The following NLGN2 variants were observed in gnomAD, a reference collection of about 807,000 sequenced individuals.
NLGN2 encodes the protein neuroligin 2, also known as neuroligin-2.
NLGN2 carries 11 observed loss-of-function variants against 48.6 expected under a neutral mutation model. The observed-to-expected ratio is 0.23, with a 90% CI of 0.14 to 0.37. The LOEUF is 0.37. Ranked by LOEUF, NLGN2 falls within the 10% of genes least tolerant of loss-of-function variation. The probability of loss-of-function intolerance (pLI) is 1.00; values close to 1 mark genes in which losing one functional copy is unlikely to be tolerated. For synonymous variants in NLGN2, 548 were observed against 550.0 expected (o/e 1.00, Z 0.05); for missense variants, 801 against 1,225.2 (o/e 0.65, Z 5.17).
Position 7,408,417 on chromosome 17 carries a change from G to C in NLGN2, c.162G>C (p.Val54=), listed in dbSNP as rs1442328308. The change falls in exon 1 of 7, where the codon GTG becomes GTC. Residue 54 remains valine (V), a synonymous_variant. Coordinates refer to ENST00000302926, the MANE Select transcript of NLGN2 (RefSeq NM_020795.4). This position sits in a 1 kb window ranked among gnomAD's most constrained non-coding sequence, Gnocchi z 7.5. The stretch of plus-strand genomic sequence containing the variant: ...CGGCCTACGGGCGAGTGCGCGGTGT[G>C]CGGCGCGAGCTCAACAACGAGATCC... ...VNTAYGRVRG[V]RRELNNEILG... is the part of the protein sequence containing the mutation. 6.4e-7 allele frequency: 1 copy of C among 1,567,020 alleles called. No homozygotes were observed. The highest frequency in any genetic ancestry group is 1.8e-5 in the Admixed American group (1 of 55,794).
rs1268963281 is a variant in NLGN2 at position 7,414,730 on chromosome 17, G to A, written c.726G>A (p.Leu242=). The change falls in exon 4 of 7, where the codon CTG becomes CTA. Residue 242 remains leucine, a synonymous_variant. Coordinates refer to ENST00000302926, the MANE Select transcript of NLGN2 (RefSeq NM_020795.4). ...GGCTCCTGGACCAGATCCAGGCCCT[G>A]CGCTGGCTCAGTGAAAACATCGCCC... ...NYGLLDQIQA[L]RWLSENIAHF... 6.2e-7 allele frequency: 1 copy of A among 1,614,228 alleles called. No homozygotes were observed. The highest frequency in any genetic ancestry group is 1.7e-5 in the Admixed American group (1 of 60,030).
chr17:7,417,589 G>T lies in NLGN2; in HGVS notation c.2298G>T (p.Pro766=). ...CCGAGGCTCTGCGCCCTGCCTGCCC[G>T]CCCGACTACACCCTGGCCCTGCGCC... is the stretch of plus-strand genomic sequence containing the variant. ...DPAEALRPAC[P]PDYTLALRRA... The change falls in exon 7 of 7, where the codon CCG becomes CCT. Residue 766 remains proline, a synonymous_variant. Transcript: ENST00000302926. 7 of 1,431,466 alleles carry T rather than the reference G, an allele frequency of 4.9e-6. No individual in the cohort carries two copies. The highest frequency in any genetic ancestry group is 2.4e-4 in the Middle Eastern group (1 of 4,196). The allele number at this position is 1,431,466 out of a possible 1,614,324, so 88.7% of individuals were successfully genotyped here.
Position 7,414,846 on chromosome 17 carries a change from A to G in NLGN2, c.842A>G (p.Glu281Gly). ...CTTCTGATCCTCTCCCACCATTCAG[A>G]AGGTACCAGCAGTGTCCCAGCCTGT... is the stretch of plus-strand genomic sequence containing the variant. ...VNLLILSHHS[E>G]GLFQKAIAQS... The change falls in exon 4 of 7, where the codon GAA becomes GGA. Residue 281 changes from glutamate to glycine, a missense_variant and splice_region_variant. Physicochemically the swap from Glu to Gly is moderately conservative, Grantham distance 98. Coordinates refer to ENST00000302926, the MANE Select transcript of NLGN2 (RefSeq NM_020795.4). 1 of 1,614,094 alleles carries G rather than the reference A, an allele frequency of 6.2e-7. No individual in the cohort carries two copies. The highest frequency in any genetic ancestry group is 8.5e-7 in the Non-Finnish European group (1 of 1,180,014).
intron 2 of NLGN2, among the ~76,000 whole-genome samples, chr17:7,412,838 G>GT (rs1448549308): frequency 6.8e-6 from 1 of 147,960 alleles, no homozygotes; most frequent in Middle Eastern, 3.2e-3. Context: ...GGATCTTTTT[G>GT]TTTTTTCTTT....
chr17:7,406,762 A>AG (rs898451537), upstream of NLGN2, among the ~76,000 whole-genome samples: 24 of 150,722 alleles, frequency 1.6e-4, no homozygotes, highest in Admixed American at 1.1e-3. Flanking sequence ...CAGCAACTGT[A>AG]GGGGGGGTGG....
intron 6 of NLGN2, among the ~76,000 whole-genome samples, chr17:7,416,413 C>G (rs1409662674): frequency 6.6e-6 from 1 of 152,044 alleles, no homozygotes; most frequent in Non-Finnish European, 1.5e-5. Context: ...GCTGACTGCT[C>G]AGGTGTGTGT....
Position 7,417,486 on chromosome 17 carries a change from C to A in NLGN2, c.2195C>A (p.Ala732Glu). Residue 732 changes from alanine to glutamate, a missense_variant, in exon 7 of 7, where the codon GCG becomes GAG. By Grantham distance (107) the Ala-to-Glu change is moderately radical. Coordinates refer to ENST00000302926, the MANE Select transcript of NLGN2 (RefSeq NM_020795.4). ...GGTGGGGGCCCCCTGCTCCCCGCCG[C>A]GGGCCGTGAGCTGCCACCAGAGGAG... The part of the protein sequence containing the change: ...VPGGGPLLPA[A>E]GRELPPEEEL... 1 of 1,518,710 alleles carries A rather than the reference C, an allele frequency of 6.6e-7. No homozygotes were observed. Among genetic ancestry groups the A allele is most frequent in the East Asian group, 2.5e-5 (1 of 39,498 alleles). The allele number at this position is 1,518,710 out of a possible 1,614,324, so 94.1% of individuals were successfully genotyped here.
At chr17:7,405,179 C>G (rs960659655), upstream of NLGN2, 5 of 152,222 alleles carry the variant, frequency 3.3e-5, no homozygotes, top group Non-Finnish European at 5.9e-5. The surrounding 1 kb of genome is among the most constrained non-coding windows in gnomAD (Gnocchi z 6.8). Flanking sequence ...GCCCCTGCAC[C>G]GCGGATCCTG....
chr17:7,405,747 T>A (rs1906610228), upstream of NLGN2: 1 of 153,382 alleles, frequency 6.5e-6, no homozygotes, highest in South Asian at 2.1e-4. This position sits in a 1 kb window ranked among gnomAD's most constrained non-coding sequence, Gnocchi z 6.8. Context: ...GCTCTCGCCG[T>A]GTCTCTGCGT....
rs1906767182 is a variant in NLGN2, at chr17:7,408,853, T to C, written c.457+141T>C. 4.8e-6 allele frequency: 7 copies of C among 1,460,214 alleles called. No homozygotes were observed. In the South Asian group the frequency reaches 8.4e-5, roughly 17 times the overall value. The allele number at this position is 1,460,214 out of a possible 1,614,324, so 90.5% of individuals were successfully genotyped here. ...TGAGGGACGGAGTGTCCCTGCAACC[T>C]CTACGTGCCCCCTGAGGATTGTAAG... On this transcript the variant is annotated intron_variant, in intron 1 of 6. Coordinates refer to ENST00000302926, the MANE Select transcript of NLGN2 (RefSeq NM_020795.4). The surrounding 1 kb of genome is among the most constrained non-coding windows in gnomAD (Gnocchi z 7.5).
upstream of NLGN2, among the ~76,000 whole-genome samples, chr17:7,406,128 T>G: frequency 6.6e-6 from 1 of 150,692 alleles, no homozygotes. Flanking sequence ...GAGAAAGAAA[T>G]GAGAAACACC....
chr17:7,414,026 G>A (rs1906996531), intron 2 of NLGN2, among the ~76,000 whole-genome samples: 1 of 152,172 alleles, frequency 6.6e-6, no homozygotes, highest in African/African-American at 2.4e-5. Flanking sequence ...GTGCGGGGGT[G>A]CTGGGGGTTC....
chr17:7,414,572 C>A, intron 3 of NLGN2, 79 bp downstream of exon 3: 2 of 1,611,074 alleles, frequency 1.2e-6, no homozygotes, highest in Non-Finnish European at 1.7e-6. Context: ...CCACATCCAG[C>A]AGAATGGCTT....
chr17:7,417,400 G>A lies in NLGN2; in HGVS notation c.2109G>A (p.Arg703=). 1 of 1,610,066 alleles carries A rather than the reference G, an allele frequency of 6.2e-7. No homozygotes were observed. Among genetic ancestry groups the A allele is most frequent in the Non-Finnish European group, 8.5e-7 (1 of 1,178,756 alleles). The change falls in exon 7 of 7, where the codon CGG becomes CGA. Residue 703 remains arginine, a synonymous_variant. Coordinates refer to ENST00000302926, the MANE Select transcript of NLGN2 (RefSeq NM_020795.4). ...CTGCCCTCTACTACAAGCGGGACCG[G>A]CGGCAGGAGCTGCGGTGCAGGCGGC... ...AFAALYYKRD[R]RQELRCRRLS... is the part of the protein sequence containing the mutation.
chr17:7,414,676 C>T lies in NLGN2; in HGVS notation c.672C>T (p.Thr224=), dbSNP rs567010279. 87 of 1,614,112 alleles carry T rather than the reference C, an allele frequency of 5.4e-5. No individual in the cohort carries two copies. The South Asian group carries it at 6.4e-4, about 12-fold the overall frequency. The stretch of plus-strand genomic sequence containing the variant: ...CTCTACTCCCAGGTTTTCTCAGCAC[C>T]GGGGACCAGGCTGCAAAAGGCAACT... ...YRLGVLGFLS[T]GDQAAKGNYG... The change falls in exon 4 of 7, where the codon ACC becomes ACT. Residue 224 remains threonine (T), a synonymous_variant. Coordinates refer to ENST00000302926, the MANE Select transcript of NLGN2 (RefSeq NM_020795.4).
Position 7,408,213 on chromosome 17 carries a change from G to T in NLGN2, c.-43G>T. ...CTCCCCCCCTTCTCTCTCTCTCCGAGGGGGGGGGGTCCCAGGGAGGGAGGG... is the reference window on the plus strand; with the variant it reads ...CTCCCCCCCTTCTCTCTCTCTCCGATGGGGGGGGGTCCCAGGGAGGGAGGG... On this transcript the variant is annotated 5_prime_UTR_variant, in exon 1 of 7. It adds an upstream start codon to the 5' untranslated region. Transcript: ENST00000302926. The surrounding 1 kb of genome is among the most constrained non-coding windows in gnomAD (Gnocchi z 7.5). The T allele has an allele frequency of 3.3e-6, 1 of 304,126 alleles. No individual in the cohort carries two copies. Among genetic ancestry groups the T allele is most frequent in the Non-Finnish European group, 4.8e-6 (1 of 208,878 alleles). The allele number at this position is 304,126 out of a possible 1,614,324, so 18.8% of individuals were successfully genotyped here. A position where few individuals can be genotyped will look rare whatever the true frequency, so the allele number is the denominator to read the frequency against.
chr17:7,412,211 G>T lies in NLGN2; in HGVS notation c.508+4G>T, dbSNP rs2150814467. 1 of 1,612,364 alleles carries T rather than the reference G, an allele frequency of 6.2e-7. No homozygotes were observed. Among genetic ancestry groups the T allele is most frequent in the Non-Finnish European group, 8.5e-7 (1 of 1,179,104 alleles). On this transcript the variant is annotated splice_donor_region_variant and intron_variant, in intron 2 of 6. Transcript: ENST00000302926. ...ACGCTCAATCCGCCAGACACAGGTA[G>T]ATTTAAAAATCCCGCTGCTGCATGT...
chr17:7,417,250 C>T lies in NLGN2; in HGVS notation c.1959C>T (p.Pro653=), dbSNP rs372528711. 3.3e-5 allele frequency: 52 copies of T among 1,552,710 alleles called. No homozygotes were observed. The African/African-American group carries it at 4.2e-4, about 13-fold the overall frequency. The change falls in exon 7 of 7, where the codon CCC becomes CCT. Residue 653 remains proline, a synonymous_variant. Transcript: ENST00000302926. ...CGCCTGCCACCCTGCCTCCCGAGCC[C>T]GAGCCCGAGCCCGGCCCAAGGGCCT... is the stretch of plus-strand genomic sequence containing the variant. ...PPPPATLPPE[P]EPEPGPRAYD...
At chr17:7,405,398 TC>T (rs1424164067), upstream of NLGN2, 2 of 151,816 alleles carry the variant, frequency 1.3e-5, no homozygotes, top group Non-Finnish European at 2.9e-5. The surrounding 1 kb of genome is among the most constrained non-coding windows in gnomAD (Gnocchi z 6.8). Flanking sequence ...CCTGATCCCA[TC>T]CCCTAGCTCT....
Sources: allele counts gnomAD v4.1 joint callset (sites outside exome capture counted in the v4.1 genomes callset), GRCh38; gene constraint gnomAD v4.1.1; non-coding constraint Gnocchi (gnomAD v3.1); transcripts MANE v1.5; gene names NCBI Gene and HGNC (gene_info 2026-07-23, HGNC 2026-07-21).